PSTPIP2: variants seen among roughly 807,000 people sequenced by gnomAD.
PSTPIP2 encodes proline-serine-threonine phosphatase-interacting protein 2.
In PSTPIP2, 33 loss-of-function variants were observed where a neutral mutation model predicts 63.3. The ratio of observed to expected loss-of-function variants is 0.52; its 90% CI spans 0.40 to 0.70. The LOEUF (loss-of-function observed/expected upper bound fraction) is 0.70, where lower values mean the gene tolerates loss of function less well. Ranked by LOEUF, PSTPIP2 falls within the 30% of genes least tolerant of loss-of-function variation. The pLI, the probability that PSTPIP2 is intolerant of heterozygous loss-of-function variation, is 0.00. For missense variants in PSTPIP2, 312 were observed against 400.7 expected, an observed-to-expected ratio of 0.78 and a Z score of 1.89; for synonymous variants, 125 against 132.7, an observed-to-expected ratio of 0.94 and a Z score of 0.40.
chr18:46,070,988 T>G (rs1462091772), intron 1 of PSTPIP2, among the ~76,000 whole-genome samples: 1 of 152,156 alleles, frequency 6.6e-6, no homozygotes, highest in Non-Finnish European at 1.5e-5. Context: ...CCATTCTACC[T>G]GAAAAACTCG....
At position 46,053,460 on chromosome 18, in the gene PSTPIP2, C is replaced by T. The variant is rs115530383; in HGVS notation, c.34-13413G>A. On this transcript the variant is annotated intron_variant, in intron 1 of 14. Coordinates refer to ENST00000409746, the MANE Select transcript of PSTPIP2 (RefSeq NM_024430.4). The stretch of plus-strand genomic sequence containing the variant: ...GTACATGTTCATCGAAGTCCAATGC[C>T]TTTTCTCCTCCTCTAACTTGCTGAT... Among the ~76,000 whole-genome samples the T allele has an allele frequency of 3.6e-3, 554 of 152,234 alleles. 3 individuals carry two copies. The highest frequency in any genetic ancestry group is 0.013 in the African/African-American group (520 of 41,538).
intron 1 of PSTPIP2, among the ~76,000 whole-genome samples, chr18:46,064,282 C>CTTTT (rs56236802): frequency 1.7e-4 from 12 of 71,526 alleles, no homozygotes; most frequent in African/African-American, 1.9e-4. Flanking sequence ...CTTTTTCTTT[C>CTTTT]TTTTTTTTTT....
At chr18:46,051,744 T>C (rs1006912073) in intron 1 of PSTPIP2, among the ~76,000 whole-genome samples, 2 of 152,136 alleles carry the variant, frequency 1.3e-5, no homozygotes, top group African/African-American at 4.8e-5. Context: ...AACCTGAGAA[T>C]TGAAGTAGGT....
At chr18:46,069,852 T>G (rs543125713) in intron 1 of PSTPIP2, among the ~76,000 whole-genome samples, 1 of 152,290 alleles carries the variant, frequency 6.6e-6, no homozygotes, top group Non-Finnish European at 1.5e-5. Context: ...AATAGAGGCA[T>G]GCACTAAGAG....
At position 45,992,088 on chromosome 18, in the gene PSTPIP2, C is replaced by A. The variant is rs750533418; in HGVS notation, c.838+18G>T. ...AGAATTGTGTAAATAACACTCCCCA[C>A]CCCACTGCCCCATTCACCTGGTGGA... is the stretch of plus-strand genomic sequence containing the variant. On this transcript the variant is annotated intron_variant, in intron 11 of 14. Transcript: ENST00000409746. 2.5e-6 allele frequency: 4 copies of A among 1,600,966 alleles called. No homozygotes were observed. Among genetic ancestry groups the A allele is most frequent in the South Asian group, 1.1e-5 (1 of 89,744 alleles).
chr18:46,028,580 A>C, intron 2 of PSTPIP2: 1 of 752,400 alleles, frequency 1.3e-6, no homozygotes. Context: ...GAGACTCAGA[A>C]GCGGAGAATG....
chr18:45,994,722 C>A (rs559344920), intron 9 of PSTPIP2, among the ~76,000 whole-genome samples: 1 of 152,160 alleles, frequency 6.6e-6, no homozygotes, highest in South Asian at 2.1e-4. Context: ...AACTCACAAC[C>A]GATTCTATTT....
rs115142418 is a variant in PSTPIP2, at chr18:46,070,091, G to A, written c.33+2065C>T. Among the ~76,000 whole-genome samples, 1,013 of 152,222 alleles carry A rather than the reference G, an allele frequency of 6.7e-3. 7 individuals are homozygous for A. The highest frequency in any genetic ancestry group is 0.022 in the African/African-American group (933 of 41,504). On this transcript the variant is annotated intron_variant, in intron 1 of 14. Transcript: ENST00000409746. ...TATGGAAAAACTGAGGCTTGGGGGC[G>A]GAAGCAGGCTGCCCAGGGTCACCTA...
Position 45,991,922 on chromosome 18 carries a change from A to G in PSTPIP2, c.900T>C (p.Ala300=). The G allele has an allele frequency of 6.2e-7, 1 of 1,613,036 alleles. No homozygotes were observed. The highest frequency in any genetic ancestry group is 8.5e-7 in the Non-Finnish European group (1 of 1,178,984). The change falls in exon 12 of 15, where the codon GCT becomes GCC. Residue 300 remains alanine, a synonymous_variant. Coordinates refer to ENST00000409746, the MANE Select transcript of PSTPIP2 (RefSeq NM_024430.4). ...SQKNAVPAGK[A]TGPNLARRGP... is the part of the protein sequence containing the mutation. ...ATTACCTTGCCAAGTTAGGCCCTGT[A>G]GCCTTTCCTGCTGGGACTGCATTCT...
chr18:46,063,816 T>A (rs1568233999), intron 1 of PSTPIP2, among the ~76,000 whole-genome samples: 1 of 152,216 alleles, frequency 6.6e-6, no homozygotes, highest in South Asian at 2.1e-4. Context: ...GTTTTGCTTA[T>A]TGAATGAGCA....
At position 46,072,190 on chromosome 18, in the gene PSTPIP2, G is replaced by A; in HGVS notation, c.-2C>T. The A allele has an allele frequency of 6.5e-7, 1 of 1,535,358 alleles. No individual in the cohort carries two copies. Among genetic ancestry groups the A allele is most frequent in the African/African-American group, 1.4e-5 (1 of 71,068 alleles). ...TCCCTTGAACAGTGAGCGCGTCATCGCAGCGCGAGTGGGGGCGCGGAGGAG... is the reference window on the plus strand; with the variant it reads ...TCCCTTGAACAGTGAGCGCGTCATCACAGCGCGAGTGGGGGCGCGGAGGAG... On this transcript the variant is annotated 5_prime_UTR_variant, in exon 1 of 15. Coordinates refer to ENST00000409746, the MANE Select transcript of PSTPIP2 (RefSeq NM_024430.4).
intron 10 of PSTPIP2, 54 bp downstream of exon 10, chr18:45,993,551 C>A: frequency 2.6e-6 from 4 of 1,514,758 alleles, no homozygotes; most frequent in Non-Finnish European, 3.7e-6. Context: ...GTTCCTTCTA[C>A]TCTAATGTAT....
intron 13 of PSTPIP2, 43 bp from the exon 14 acceptor site, chr18:45,988,802 T>A: frequency 6.8e-7 from 1 of 1,475,220 alleles, no homozygotes; most frequent in Non-Finnish European, 9.5e-7. Context: ...ACATCAATTT[T>A]TCATAATAAG....
chr18:46,047,146 T>G (rs1908410098), intron 1 of PSTPIP2, among the ~76,000 whole-genome samples: 2 of 152,240 alleles, frequency 1.3e-5, no homozygotes, highest in Non-Finnish European at 2.9e-5. Flanking sequence ...AGACTTGGGA[T>G]AAAGACTATG....
chr18:46,057,773 G>A (rs1005860378), intron 1 of PSTPIP2, among the ~76,000 whole-genome samples: 1 of 151,994 alleles, frequency 6.6e-6, no homozygotes, highest in Non-Finnish European at 1.5e-5. Context: ...CGAGGCAGGC[G>A]GATCGTGAGG....
intron 10 of PSTPIP2, among the ~76,000 whole-genome samples, chr18:45,992,863 G>A (rs990915193): frequency 3.3e-5 from 5 of 151,828 alleles, no homozygotes; most frequent in Admixed American, 2.0e-4. Flanking sequence ...GCTGGGATTA[G>A]AGGCACATGC....
chr18:46,011,094 A>G, intron 5 of PSTPIP2, 87 bp downstream of exon 5: 1 of 1,076,690 alleles, frequency 9.3e-7, no homozygotes, highest in Non-Finnish European at 1.4e-6. Context: ...TGATGGTGGG[A>G]GCTGAGCTGA....
At chr18:46,046,743 G>T (rs1024454303) in intron 1 of PSTPIP2, among the ~76,000 whole-genome samples, 7 of 152,188 alleles carry the variant, frequency 4.6e-5, no homozygotes, top group African/African-American at 1.7e-4. Flanking sequence ...GGCCAGAGAA[G>T]ACCCTCCATG....
At chr18:46,035,508 G>A (rs1907939297) in intron 2 of PSTPIP2, among the ~76,000 whole-genome samples, 1 of 151,980 alleles carries the variant, frequency 6.6e-6, no homozygotes, top group Non-Finnish European at 1.5e-5. Context: ...AATTTACTTA[G>A]GCATCAGGGA....
Sources: gnomAD v4.1 joint callset for allele counts (sites outside exome capture counted in the v4.1 genomes callset) on GRCh38, gnomAD v4.1.1 for gene constraint, MANE v1.5 for transcripts, NCBI Gene and HGNC (gene_info 2026-07-23, HGNC 2026-07-21) for gene names.